Variants in EPB41L5 observed in about 807,000 individuals in gnomAD.
EPB41L5 encodes erythrocyte membrane protein band 4.1 like 5.
EPB41L5 carries 55 observed loss-of-function variants against 106.6 expected under a neutral mutation model. The ratio of observed to expected loss-of-function variants is 0.52; its 90% CI spans 0.42 to 0.65. The LOEUF (loss-of-function observed/expected upper bound fraction) is 0.65. Ranked by LOEUF, EPB41L5 falls within the 30% of genes least tolerant of loss-of-function variation. The pLI is 0.00. For synonymous variants in EPB41L5, 297 were observed against 306.7 expected (o/e 0.97, Z 0.33); for missense variants, 871 against 882.1 (o/e 0.99, Z 0.16).
intron 2 of EPB41L5, among the ~76,000 whole-genome samples, chr2:120,033,813 C>G (rs1181663192): frequency 3.3e-5 from 5 of 151,338 alleles, no homozygotes; most frequent in Non-Finnish European, 5.9e-5. Flanking sequence ...TGCATTGTTG[C>G]CCAGGTGTGA....
At chr2:120,080,232 A>G (rs569927997) in intron 10 of EPB41L5, among the ~76,000 whole-genome samples, 116 of 151,998 alleles carry the variant, frequency 7.6e-4, no homozygotes, top group African/African-American at 2.4e-3. Context: ...TACATTAGGT[A>G]TATCTCCTAA....
intron 11 of EPB41L5, among the ~76,000 whole-genome samples, chr2:120,087,988 T>C (rs1475667476): frequency 2.0e-5 from 3 of 152,238 alleles, no homozygotes; most frequent in Non-Finnish European, 4.4e-5. Flanking sequence ...TCTGATACTT[T>C]AGAAAAGGCA....
At chr2:120,096,001 A>G (rs1204238609) in intron 14 of EPB41L5, among the ~76,000 whole-genome samples, 1 of 152,120 alleles carries the variant, frequency 6.6e-6, no homozygotes, top group African/African-American at 2.4e-5. Flanking sequence ...ACTTATTACA[A>G]TGAGGCTATA....
At position 120,160,941 on chromosome 2, in the gene EPB41L5, T is replaced by C. The variant is rs1234806458; in HGVS notation, c.1854T>C (p.Leu618=). ...AAGAGTCTCTTGAGACTCTGATGCT[T>C]ATCACACCTGCCGACAGTGGTTCTG... is the stretch of plus-strand genomic sequence containing the variant. ...LPKESLETLM[L]ITPADSGSVL... The change falls in exon 21 of 25, where the codon CTT becomes CTC. Residue 618 remains leucine (L), a synonymous_variant. Transcript: ENST00000263713. The C allele has an allele frequency of 2.5e-6, 4 of 1,614,008 alleles. No homozygotes were observed. Among genetic ancestry groups the C allele is most frequent in the Non-Finnish European group, 3.4e-6 (4 of 1,179,860 alleles).
intron 2 of EPB41L5, among the ~76,000 whole-genome samples, chr2:120,034,692 A>C (rs1274290367): frequency 1.3e-5 from 2 of 150,736 alleles, no homozygotes; most frequent in Non-Finnish European, 3.0e-5. Context: ...AAACAAAACA[A>C]AAAAAAAACC....
intron 18 of EPB41L5, among the ~76,000 whole-genome samples, chr2:120,134,697 G>T (rs1262948211): frequency 6.6e-6 from 1 of 152,214 alleles, no homozygotes; most frequent in African/African-American, 2.4e-5. Flanking sequence ...TACCAAGGCT[G>T]TACCTTAACA....
At chr2:120,135,598 C>T (rs1442250508) in intron 18 of EPB41L5, among the ~76,000 whole-genome samples, 1 of 152,040 alleles carries the variant, frequency 6.6e-6, no homozygotes, top group Non-Finnish European at 1.5e-5. Context: ...ATCCTAAAAG[C>T]AGCAAGAGAA....
intron 10 of EPB41L5, among the ~76,000 whole-genome samples, chr2:120,085,542 G>A (rs1185823194): frequency 6.6e-6 from 1 of 152,216 alleles, no homozygotes; most frequent in Non-Finnish European, 1.5e-5. Context: ...TCCCAGTTAG[G>A]CTACTTGGGG....
intron 20 of EPB41L5, among the ~76,000 whole-genome samples, chr2:120,157,967 A>G (rs1686972620): frequency 6.6e-6 from 1 of 152,144 alleles, no homozygotes; most frequent in African/African-American, 2.4e-5. Flanking sequence ...AATATTACCA[A>G]ACACCTCTAT....
intron 18 of EPB41L5, among the ~76,000 whole-genome samples, chr2:120,135,844 G>A (rs563328121): frequency 7.9e-5 from 12 of 152,210 alleles, no homozygotes; most frequent in African/African-American, 2.9e-4. Flanking sequence ...GCTGAAAGGA[G>A]TTCTTCAATC....
chr2:120,062,185 T>C (rs764103033), intron 3 of EPB41L5, among the ~76,000 whole-genome samples: 2 of 152,208 alleles, frequency 1.3e-5, no homozygotes, highest in Non-Finnish European at 2.9e-5. Flanking sequence ...GATTGCATTG[T>C]ATTCAGGGAT....
At chr2:120,082,265 T>G (rs570108263) in intron 10 of EPB41L5, among the ~76,000 whole-genome samples, 6 of 152,338 alleles carry the variant, frequency 3.9e-5, no homozygotes, top group African/African-American at 1.2e-4. Context: ...ATAGCTCTTA[T>G]TATTTTGAGA....
chr2:120,101,489 AGTGGTCAT>A (rs1181184266), intron 16 of EPB41L5: 2 of 152,206 alleles, frequency 1.3e-5, no homozygotes, highest in African/African-American at 4.8e-5. Flanking sequence ...TATTTGATTC[AGTGGTCAT>A]GTTGGGTGTA....
At chr2:120,154,233 A>G (rs939719938) in intron 20 of EPB41L5, among the ~76,000 whole-genome samples, 1 of 151,876 alleles carries the variant, frequency 6.6e-6, no homozygotes, top group African/African-American at 2.4e-5. Flanking sequence ...ATCTTGGCTC[A>G]CCGCAACCTC....
chr2:120,076,370 C>T (rs1236293033), intron 7 of EPB41L5, among the ~76,000 whole-genome samples: 3 of 150,856 alleles, frequency 2.0e-5, no homozygotes, highest in Admixed American at 6.6e-5. Context: ...AGGGCAGTTG[C>T]ATGATTGTAG....
At chr2:120,116,859 A>G (rs1440306292) in intron 16 of EPB41L5, among the ~76,000 whole-genome samples, 1 of 152,146 alleles carries the variant, frequency 6.6e-6, no homozygotes, top group Non-Finnish European at 1.5e-5. Context: ...TACTACTGAA[A>G]AAAAGAATGA....
At chr2:120,037,308 TAATC>T (rs1679100215) in intron 2 of EPB41L5, among the ~76,000 whole-genome samples, 1 of 152,180 alleles carries the variant, frequency 6.6e-6, no homozygotes. Flanking sequence ...TTTGGAGACT[TAATC>T]TTGTTAAGAA....
chr2:120,156,622 T>G lies in EPB41L5; in HGVS notation c.1794-4259T>G, dbSNP rs531217325. Among the ~76,000 whole-genome samples the G allele has an allele frequency of 5.3e-5, 8 of 152,234 alleles. No homozygotes were observed. The East Asian group carries it at 1.5e-3, about 29-fold the overall frequency. ...ACTGTGGCAGGAGTGAAAATAGGCA[T>G]GGAGAACAGCAGATTCTCCCCCATC... On this transcript the variant is annotated intron_variant, in intron 20 of 24. Coordinates refer to ENST00000263713, the MANE Select transcript of EPB41L5 (RefSeq NM_020909.4).
rs771003507 is a variant in EPB41L5 at position 120,075,769 on chromosome 2, G to T, written c.505+16G>T. 1.3e-6 allele frequency: 2 copies of T among 1,597,072 alleles called. No homozygotes were observed. Among genetic ancestry groups the T allele is most frequent in the Admixed American group, 1.7e-5 (1 of 59,972 alleles). On this transcript the variant is annotated intron_variant, in intron 7 of 24. Transcript: ENST00000263713. Reference sequence around the variant, plus strand: ...AATCTGCAAGGTAAGCAATTCTTATGTTGACTGTTAAGACTCAAGTATAAT... The same window carrying T: ...AATCTGCAAGGTAAGCAATTCTTATTTTGACTGTTAAGACTCAAGTATAAT...
Sources: allele counts gnomAD v4.1 joint callset (sites outside exome capture counted in the v4.1 genomes callset), GRCh38; gene constraint gnomAD v4.1.1; transcripts MANE v1.5; gene names NCBI Gene and HGNC (gene_info 2026-07-23, HGNC 2026-07-21).